PKP2: variants seen among roughly 807,000 people sequenced by gnomAD.
The protein encoded by PKP2 is plakophilin 2.
Under a neutral mutation model 83.4 loss-of-function variants are expected in PKP2, and 73 were observed. That is an observed-to-expected ratio of 0.88 (90% CI 0.72 to 1.06). PKP2 has a LOEUF of 1.06. Ranked by LOEUF, PKP2 falls within the 50% of genes least tolerant of loss-of-function variation. The probability of loss-of-function intolerance (pLI) is 0.00; values close to 1 mark genes in which losing one functional copy is unlikely to be tolerated. For synonymous variants in PKP2, 409 were observed against 430.4 expected (o/e 0.95, Z 0.62); for missense variants, 966 against 1,065.4 (o/e 0.91, Z 1.30).
chr12:32,800,593 T>C (rs761071925), intron 10 of PKP2, among the ~76,000 whole-genome samples: 1 of 152,224 alleles, frequency 6.6e-6, no homozygotes, highest in Non-Finnish European at 1.5e-5. Flanking sequence ...TCTCTATTTG[T>C]TTTTCCCTAA....
chr12:32,884,162 T>C (rs1467851585), intron 1 of PKP2, among the ~76,000 whole-genome samples: 1 of 152,180 alleles, frequency 6.6e-6, no homozygotes, highest in Non-Finnish European at 1.5e-5. Context: ...TCTATAAAAA[T>C]ACAGTCTTCT....
chr12:32,857,212 C>G (rs545489556), intron 4 of PKP2, among the ~76,000 whole-genome samples: 4 of 152,166 alleles, frequency 2.6e-5, no homozygotes, highest in Admixed American at 2.6e-4. Context: ...CTGCTTAAGC[C>G]CAGGAGTTTG....
rs1215591759 is a variant in PKP2, at chr12:32,869,024, C to T, written c.1073G>A (p.Ser358Asn). The change falls in exon 4 of 13, where the codon AGT becomes AAT. Residue 358 changes from serine to asparagine, a missense_variant. By Grantham distance (46) the Ser-to-Asn change is conservative (BLOSUM62 1). Coordinates refer to ENST00000340811, the MANE Select transcript of PKP2 (RefSeq NM_001005242.3). ...CAGCATGTGGTCTGCCTCGAGCATA[C>T]TCACTGCTCGCTCCAGAGTCATCTC... ...DMEMTLERAV[S>N]MLEADHMLPS... 6.2e-7 allele frequency: 1 copy of T among 1,613,826 alleles called. No individual in the cohort carries two copies. Among genetic ancestry groups the T allele is most frequent in the East Asian group, 2.2e-5 (1 of 44,880 alleles).
In PKP2 at chr12:32,858,147, T is replaced by A. The variant is rs1565592813; in HGVS notation, c.1171-7174A>T. On this transcript the variant is annotated intron_variant, in intron 4 of 12. Transcript: ENST00000340811. ...TATATTTTATATTTATATATATATA[T>A]ATATAAATATATATAAAAGCCAGGC... Among the ~76,000 whole-genome samples, 91 of 106,684 alleles carry A rather than the reference T, an allele frequency of 8.5e-4. 3 individuals carry two copies. Among genetic ancestry groups the A allele is most frequent in the African/African-American group, 2.9e-3 (89 of 30,596 alleles). The allele number at this position is 106,684 out of a possible 152,430, so 70.0% of individuals were successfully genotyped here.
chr12:32,864,109 A>C (rs1454933), intron 4 of PKP2, among the ~76,000 whole-genome samples: 20,975 of 152,102 alleles, frequency 0.14, 1,678 homozygotes, highest in South Asian at 0.19. Context: ...TCGTGATTCA[A>C]AAACTCCATT....
At chr12:32,822,702 C>G in intron 7 of PKP2, 71 bp from the exon 8 acceptor site, 9 of 1,522,134 alleles carry the variant, frequency 5.9e-6, no homozygotes, top group Non-Finnish European at 8.2e-6. Flanking sequence ...TCACAGGACA[C>G]AGGCTTTAGC....
chr12:32,880,153 A>C (rs998869851), intron 1 of PKP2, among the ~76,000 whole-genome samples: 8 of 151,644 alleles, frequency 5.3e-5, no homozygotes, highest in African/African-American at 1.9e-4. Flanking sequence ...CTGTAATCCC[A>C]GCACTTTGGG....
At chr12:32,841,344 C>T (rs1266418733) in intron 5 of PKP2, 139 bp from the exon 6 acceptor site, 1 of 692,410 alleles carries the variant, frequency 1.4e-6, no homozygotes, top group Non-Finnish European at 2.6e-6. Flanking sequence ...CAGCCTCTTT[C>T]TCAACTAGAA....
At chr12:32,866,412 G>T (rs888710646) in intron 4 of PKP2, among the ~76,000 whole-genome samples, 2 of 151,746 alleles carry the variant, frequency 1.3e-5, no homozygotes, top group Admixed American at 6.6e-5. Context: ...AATTAGCAAG[G>T]TGTGGTAGTG....
intron 6 of PKP2, among the ~76,000 whole-genome samples, chr12:32,837,709 G>A (rs1230766552): frequency 1.3e-5 from 2 of 152,174 alleles, no homozygotes; most frequent in African/African-American, 4.8e-5. Flanking sequence ...GCCAACCAGG[G>A]CATTGCTACA....
intron 9 of PKP2, among the ~76,000 whole-genome samples, chr12:32,812,318 C>G (rs1164515659): frequency 1.3e-5 from 2 of 152,022 alleles, no homozygotes; most frequent in Non-Finnish European, 2.9e-5. Context: ...TGCTGTATAT[C>G]TGCCACTCAC....
chr12:32,799,360 A>G (rs1422960625), intron 10 of PKP2, among the ~76,000 whole-genome samples: 3 of 152,224 alleles, frequency 2.0e-5, no homozygotes, highest in Admixed American at 1.3e-4. Flanking sequence ...TACAACCACT[A>G]TGGAAAACAG....
rs1459718298 is a variant in PKP2 at position 32,855,794 on chromosome 12, A to AAAAAAAAAAAG, written c.1171-4822_1171-4821insCTTTTTTTTTT. On this transcript the variant is annotated intron_variant, in intron 4 of 12. Coordinates refer to ENST00000340811, the MANE Select transcript of PKP2 (RefSeq NM_001005242.3). The stretch of plus-strand genomic sequence containing the variant: ...ATCTCAAAAAAAAAAAAAAAAAAAA[A>AAAAAAAAAAAG]AGGAAGAAAATATCTATGAATTTCT... 9.1e-4 allele frequency among the ~76,000 whole-genome samples: 135 copies of AAAAAAAAAAAG among 148,310 alleles called. 1 individual carries two copies. The highest frequency in any genetic ancestry group is 3.4e-3 in the African/African-American group (131 of 38,868).
rs760432217 is a variant in PKP2 at position 32,878,091 on chromosome 12, C to T, written c.789G>A (p.Thr263=). Residue 263 remains threonine, a synonymous_variant, in exon 3 of 13, where the codon ACG becomes ACA. Coordinates refer to ENST00000340811, the MANE Select transcript of PKP2 (RefSeq NM_001005242.3). The stretch of plus-strand genomic sequence containing the variant: ...TGACCTGCCCGACAGTGAGCCCTGC[C>T]GTCAGGTAGTTCTCCTTCTCCAAGA... ...GNLLEKENYL[T]AGLTVGQVRP... is the part of the protein sequence containing the mutation. The T allele has an allele frequency of 8.1e-6, 13 of 1,614,168 alleles. No homozygotes were observed. The highest frequency in any genetic ancestry group is 5.3e-5 in the African/African-American group (4 of 75,054).
intron 3 of PKP2, among the ~76,000 whole-genome samples, chr12:32,869,890 G>A (rs550589985): frequency 4.9e-4 from 75 of 152,118 alleles, no homozygotes; most frequent in Non-Finnish European, 9.6e-4. Context: ...TCAGCTGGGT[G>A]TGGTGGCATG....
At position 32,802,527 on chromosome 12, in the gene PKP2, GA is replaced by G; in HGVS notation, c.2042del (p.Val681AlafsTer21). 1.2e-6 allele frequency: 2 copies of G among 1,614,074 alleles called. No homozygotes were observed. The highest frequency in any genetic ancestry group is 1.7e-6 in the Non-Finnish European group (2 of 1,179,974). On this transcript the variant is annotated frameshift_variant, in exon 10 of 13. Transcript: ENST00000340811. LOFTEE classifies it high-confidence loss of function. ...PMPTSVAQTV[V>X]QKESGLQHTR... ...TGTGCTGCAGGCCACTTTCCTTCTG[GA>G]CAACTGTCTGAGCCACTGATGTCGG...
intron 4 of PKP2, among the ~76,000 whole-genome samples, chr12:32,853,676 A>G (rs1327476995): frequency 6.6e-6 from 1 of 151,966 alleles, no homozygotes; most frequent in Non-Finnish European, 1.5e-5. Flanking sequence ...ATGCCCAGCT[A>G]ATTTTTGTAT....
chr12:32,819,509 T>C (rs1330056243), intron 9 of PKP2, among the ~76,000 whole-genome samples: 3 of 152,032 alleles, frequency 2.0e-5, no homozygotes, highest in Non-Finnish European at 4.4e-5. Flanking sequence ...GGGCTCTTTA[T>C]GGACCTGGTA....
At chr12:32,800,995 T>C (rs777643786) in intron 10 of PKP2, among the ~76,000 whole-genome samples, 1 of 152,232 alleles carries the variant, frequency 6.6e-6, no homozygotes, top group African/African-American at 2.4e-5. Flanking sequence ...GTGTTCAAGC[T>C]GACTTTCACT....
Sources: allele counts gnomAD v4.1 joint callset (sites outside exome capture counted in the v4.1 genomes callset), GRCh38; gene constraint gnomAD v4.1.1; transcripts MANE v1.5; gene names NCBI Gene and HGNC (gene_info 2026-07-23, HGNC 2026-07-21).